Variants in PCDH9 observed in about 807,000 individuals in gnomAD.
The protein encoded by PCDH9 is protocadherin 9.
A neutral mutation model predicts 70.6 loss-of-function variants in PCDH9; 24 were observed. The observed-to-expected ratio is 0.34, with a 90% confidence interval of 0.25 to 0.48. The LOEUF (loss-of-function observed/expected upper bound fraction) is 0.48. Among genes scored for constraint, PCDH9 ranks in the 20% least tolerant of loss-of-function variants. The pLI, the probability that PCDH9 is intolerant of heterozygous loss-of-function variation, is 0.99. For missense variants in PCDH9, 1,281 were observed against 1,503.6 expected (o/e 0.85, Z 2.45); for synonymous variants, 562 against 558.5 (o/e 1.01, Z -0.09).
At chr13:66,864,929 C>T (rs1188009910) in intron 3 of PCDH9, among the ~76,000 whole-genome samples, 1 of 152,134 alleles carries the variant, frequency 6.6e-6, no homozygotes, top group South Asian at 2.1e-4. Flanking sequence ...ATCACTTTGC[C>T]GTGGTGAGAA....
At chr13:66,684,964 A>G (rs2078379387) in intron 3 of PCDH9, among the ~76,000 whole-genome samples, 1 of 152,162 alleles carries the variant, frequency 6.6e-6, no homozygotes, top group African/African-American at 2.4e-5. Context: ...AGGTAGTGTT[A>G]AAAGCAATCA....
At chr13:67,169,788 A>G (rs891015281) in intron 2 of PCDH9, among the ~76,000 whole-genome samples, 1 of 152,214 alleles carries the variant, frequency 6.6e-6, no homozygotes, top group Admixed American at 6.5e-5. Flanking sequence ...AAGAAAGTAA[A>G]TTAATCTTTT....
intron 2 of PCDH9, among the ~76,000 whole-genome samples, chr13:67,117,910 A>C (rs1328320751): frequency 6.6e-6 from 1 of 152,178 alleles, no homozygotes; most frequent in Non-Finnish European, 1.5e-5. Flanking sequence ...GTGTTAGAAT[A>C]ATTTCCAGGA....
chr13:66,379,946 A>G (rs1476698061), intron 4 of PCDH9, among the ~76,000 whole-genome samples: 1 of 152,162 alleles, frequency 6.6e-6, no homozygotes, highest in African/African-American at 2.4e-5. Flanking sequence ...CAAACAAATA[A>G]AACCCCAAAA....
chr13:66,748,142 C>A (rs532134565), intron 3 of PCDH9, among the ~76,000 whole-genome samples: 1 of 152,182 alleles, frequency 6.6e-6, no homozygotes, highest in South Asian at 2.1e-4. Context: ...AGGTAGGAAA[C>A]CTTAGCTTAG....
At chr13:66,382,371 T>G (rs1378808121) in intron 4 of PCDH9, among the ~76,000 whole-genome samples, 1 of 151,950 alleles carries the variant, frequency 6.6e-6, no homozygotes, top group Non-Finnish European at 1.5e-5. Context: ...TCTATTAATG[T>G]CAAGAATGGC....
In PCDH9 at chr13:67,040,666, C is replaced by T. The variant is rs1448429562; in HGVS notation, c.3037-137061G>A. Among the ~76,000 whole-genome samples, 3 of 151,932 alleles carry T rather than the reference C, an allele frequency of 2.0e-5. No homozygotes were observed. The East Asian group carries it at 5.8e-4, about 29-fold the overall frequency. ...TAGTACTTTGTTACAGTAGCCCAAA[C>T]TGAATATGACATTTAGGTTAAAAAA... On this transcript the variant is annotated intron_variant, in intron 2 of 4. Transcript: ENST00000377865.
chr13:66,668,334 G>C (rs1242364447), intron 3 of PCDH9, among the ~76,000 whole-genome samples: 2 of 152,222 alleles, frequency 1.3e-5, no homozygotes, highest in African/African-American at 4.8e-5. Context: ...TTTCTTCTGA[G>C]AGTTTTTCCA....
chr13:66,378,033 T>A (rs1220274575), intron 4 of PCDH9, among the ~76,000 whole-genome samples: 1 of 152,336 alleles, frequency 6.6e-6, no homozygotes, highest in South Asian at 2.1e-4. Flanking sequence ...GATTAAAATC[T>A]ACTTGGAAAA....
chr13:66,516,547 C>T (rs369874452), intron 4 of PCDH9, among the ~76,000 whole-genome samples: 92 of 152,150 alleles, frequency 6.0e-4, no homozygotes, highest in Non-Finnish European at 1.2e-3. Context: ...AATAATAAGA[C>T]AGTGTAGCAC....
intron 4 of PCDH9, among the ~76,000 whole-genome samples, chr13:66,469,848 C>T (rs765059345): frequency 3.5e-4 from 53 of 152,114 alleles, no homozygotes; most frequent in Non-Finnish European, 1.0e-4. Flanking sequence ...CCTTCTATCA[C>T]GGACATTTTA....
rs35886008 is a variant in PCDH9 at position 66,430,649 on chromosome 13, A to G, written c.3341-125621T>C. Among the ~76,000 whole-genome samples, 469 of 152,144 alleles carry G rather than the reference A, an allele frequency of 3.1e-3. 3 individuals are homozygous for G. Among genetic ancestry groups the G allele is most frequent in the South Asian group, 5.6e-3 (27 of 4,820 alleles). On this transcript the variant is annotated intron_variant, in intron 4 of 4. Coordinates refer to ENST00000377865, the MANE Select transcript of PCDH9 (RefSeq NM_203487.3). ...GGTGCTTCCTTACCCTGCTTTCTTA[A>G]CCTGCTATTCACTCTGGGATAACAG...
At chr13:67,073,206 T>C (rs2085803732) in intron 2 of PCDH9, among the ~76,000 whole-genome samples, 2 of 152,130 alleles carry the variant, frequency 1.3e-5, no homozygotes, top group Admixed American at 1.3e-4. Context: ...GTCATTCTTA[T>C]GCAAATGGTC....
intron 4 of PCDH9, among the ~76,000 whole-genome samples, chr13:66,374,580 A>G (rs1956716908): frequency 6.6e-6 from 1 of 151,930 alleles, no homozygotes; most frequent in Non-Finnish European, 1.5e-5. Context: ...TTAAATGAGG[A>G]CGTTGTCATA....
At chr13:66,686,554 T>C (rs1171994043) in intron 3 of PCDH9, among the ~76,000 whole-genome samples, 1 of 152,226 alleles carries the variant, frequency 6.6e-6, no homozygotes. Context: ...CCAATTTATC[T>C]ATATGCTGCA....
chr13:66,391,099 C>G (rs1018650041), intron 4 of PCDH9, among the ~76,000 whole-genome samples: 1 of 152,126 alleles, frequency 6.6e-6, no homozygotes, highest in Non-Finnish European at 1.5e-5. Context: ...AATATTGTCC[C>G]TTATTTTAAC....
At chr13:66,513,984 T>A (rs998358751) in intron 4 of PCDH9, among the ~76,000 whole-genome samples, 1 of 152,158 alleles carries the variant, frequency 6.6e-6, no homozygotes, top group Non-Finnish European at 1.5e-5. Flanking sequence ...CATTTTTGTT[T>A]TAGCTGAATC....
At chr13:66,545,624 T>G (rs532363138) in intron 4 of PCDH9, among the ~76,000 whole-genome samples, 1 of 152,122 alleles carries the variant, frequency 6.6e-6, no homozygotes, top group Non-Finnish European at 1.5e-5. Flanking sequence ...GTTTTAACCA[T>G]GATACCATTG....
chr13:67,087,310 C>T (rs1397581295), intron 2 of PCDH9, among the ~76,000 whole-genome samples: 2 of 151,970 alleles, frequency 1.3e-5, no homozygotes, highest in Non-Finnish European at 2.9e-5. Context: ...AGTTTTAGGC[C>T]TTAGAAAAGC....
Sources: allele counts gnomAD v4.1 joint callset (sites outside exome capture counted in the v4.1 genomes callset), GRCh38; gene constraint gnomAD v4.1.1; transcripts MANE v1.5; gene names NCBI Gene and HGNC (gene_info 2026-07-23, HGNC 2026-07-21).